MPHOSPH6: variants seen among roughly 807,000 people sequenced by gnomAD.
The protein encoded by MPHOSPH6 is M-phase phosphoprotein 6.
A neutral mutation model predicts 21.8 loss-of-function variants in MPHOSPH6; 25 were observed. That is an observed-to-expected ratio of 1.15 (90% CI 0.83 to 1.60). MPHOSPH6 has a LOEUF of 1.60. MPHOSPH6 is among the 40% of genes most tolerant of loss of function. The probability of loss-of-function intolerance (pLI) is 0.00; values close to 1 mark genes in which losing one functional copy is unlikely to be tolerated. For missense variants in MPHOSPH6, 269 were observed against 181.8 expected (o/e 1.48, Z -2.76); for synonymous variants, 84 against 56.5 (o/e 1.49, Z -2.18).
chr16:82,154,153 T>A (rs187777966), intron 2 of MPHOSPH6, among the ~76,000 whole-genome samples: 9 of 152,204 alleles, frequency 5.9e-5, no homozygotes, highest in Admixed American at 2.0e-4. Flanking sequence ...TGCAATTGCA[T>A]GTTGAAGAAA....
At chr16:82,151,337 C>G in intron 3 of MPHOSPH6, 87 bp downstream of exon 3, 1 of 1,538,678 alleles carries the variant, frequency 6.5e-7, no homozygotes, top group Non-Finnish European at 8.8e-7. Flanking sequence ...AGAAATGGTA[C>G]CTGGTGGAGA....
chr16:82,163,801 C>G, intron 2 of MPHOSPH6: 1 of 287,476 alleles, frequency 3.5e-6, no homozygotes, highest in East Asian at 7.9e-5. Context: ...AACATTACAG[C>G]TTCCCCAAAG....
At chr16:82,155,266 G>C (rs990593257) in intron 2 of MPHOSPH6, among the ~76,000 whole-genome samples, 1 of 152,156 alleles carries the variant, frequency 6.6e-6, no homozygotes, top group Non-Finnish European at 1.5e-5. Flanking sequence ...TCCCAACTGT[G>C]ATCAGAAACA....
chr16:82,163,343 G>C (rs1906664632), intron 2 of MPHOSPH6, among the ~76,000 whole-genome samples: 1 of 152,174 alleles, frequency 6.6e-6, no homozygotes, highest in African/African-American at 2.4e-5. Flanking sequence ...GCTTCCAGAA[G>C]GATTCAGCTA....
chr16:82,169,922 C>G (rs1275619211), intron 1 of MPHOSPH6, among the ~76,000 whole-genome samples: 1 of 152,188 alleles, frequency 6.6e-6, no homozygotes, highest in African/African-American at 2.4e-5. Context: ...GCCCGCGGGC[C>G]TCCTGAGAGA....
rs1906158058 is a variant in MPHOSPH6 at position 82,148,637 on chromosome 16, G to A, written c.*94C>T. 1 of 1,410,946 alleles carries A rather than the reference G, an allele frequency of 7.1e-7. No homozygotes were observed. The highest frequency in any genetic ancestry group is 9.6e-7 in the Non-Finnish European group (1 of 1,045,648). The allele number at this position is 1,410,946 out of a possible 1,614,324, so 87.4% of individuals were successfully genotyped here. ...AATCTCTTTACAAGTAAACGTTACA[G>A]TATTAATAACTATAGAGACACCATT... On this transcript the variant is annotated 3_prime_UTR_variant, in exon 5 of 5. Transcript: ENST00000258169.
chr16:82,166,167 C>T (rs919381016), intron 1 of MPHOSPH6, among the ~76,000 whole-genome samples: 7 of 152,176 alleles, frequency 4.6e-5, no homozygotes, highest in South Asian at 2.1e-4. Flanking sequence ...GCATGAAGGA[C>T]GCACGGGATA....
chr16:82,153,339 A>G (rs995669111), intron 2 of MPHOSPH6, among the ~76,000 whole-genome samples: 1 of 152,208 alleles, frequency 6.6e-6, no homozygotes, highest in African/African-American at 2.4e-5. Flanking sequence ...ATATAAAATG[A>G]CCATTTTCAG....
At chr16:82,156,857 G>A (rs1395687096) in intron 2 of MPHOSPH6, among the ~76,000 whole-genome samples, 1 of 152,122 alleles carries the variant, frequency 6.6e-6, no homozygotes, top group Non-Finnish European at 1.5e-5. Context: ...CCTGAGATCA[G>A]GAGTTCAAGA....
intron 3 of MPHOSPH6, 107 bp downstream of exon 3, chr16:82,151,317 T>C (rs1454599879): frequency 8.3e-6 from 12 of 1,442,592 alleles, no homozygotes; most frequent in South Asian, 1.2e-5. Flanking sequence ...TTATTTTCTA[T>C]ATAATGAGTA....
At chr16:82,151,306 G>C (rs774388061) in intron 3 of MPHOSPH6, 118 bp downstream of exon 3, 3 of 1,403,240 alleles carry the variant, frequency 2.1e-6, no homozygotes, top group Non-Finnish European at 2.9e-6. Flanking sequence ...TTCAAGACTT[G>C]TTATTTTCTA....
chr16:82,153,981 T>C (rs1906349827), intron 2 of MPHOSPH6, among the ~76,000 whole-genome samples: 1 of 152,122 alleles, frequency 6.6e-6, no homozygotes, highest in South Asian at 2.1e-4. Context: ...ACCCAGATAA[T>C]CCAGGATAAT....
At chr16:82,162,995 C>T (rs925836910) in intron 2 of MPHOSPH6, among the ~76,000 whole-genome samples, 1 of 152,124 alleles carries the variant, frequency 6.6e-6, no homozygotes, top group African/African-American at 2.4e-5. Flanking sequence ...TCCCTGTGAC[C>T]CTGCCCCTGG....
chr16:82,160,979 G>A (rs58373514), intron 2 of MPHOSPH6, among the ~76,000 whole-genome samples: 10,364 of 125,814 alleles, frequency 0.082, 656 homozygotes, highest in African/African-American at 0.19. Flanking sequence ...TCAGAAGAAG[G>A]GACAGAGAGA....
chr16:82,165,889 CA>C (rs1906762636), intron 1 of MPHOSPH6, among the ~76,000 whole-genome samples: 2 of 152,164 alleles, frequency 1.3e-5, no homozygotes, highest in Non-Finnish European at 2.9e-5. Flanking sequence ...TGTTAAGTAA[CA>C]CATGATGGTG....
At chr16:82,158,961 A>G (rs911467988) in intron 2 of MPHOSPH6, among the ~76,000 whole-genome samples, 12 of 152,246 alleles carry the variant, frequency 7.9e-5, no homozygotes, top group African/African-American at 2.4e-4. Flanking sequence ...TCTATTTGGA[A>G]TACAAGACAG....
chr16:82,151,914 T>A (rs1438665788), intron 2 of MPHOSPH6, among the ~76,000 whole-genome samples: 4 of 152,252 alleles, frequency 2.6e-5, no homozygotes, highest in African/African-American at 9.6e-5. Context: ...ACATACAGTA[T>A]ACAGTGACAC....
At chr16:82,157,796 C>T (rs146523112) in intron 2 of MPHOSPH6, among the ~76,000 whole-genome samples, 2 of 152,286 alleles carry the variant, frequency 1.3e-5, no homozygotes, top group East Asian at 3.9e-4. Flanking sequence ...AGGTGAAGAA[C>T]ACCTGAAGTC....
At chr16:82,149,811 T>C (rs1238772649) in intron 3 of MPHOSPH6, among the ~76,000 whole-genome samples, 2 of 152,098 alleles carry the variant, frequency 1.3e-5, no homozygotes, top group Admixed American at 6.5e-5. Context: ...TAATTTTAAA[T>C]GCATCTCTTG....
Sources: gnomAD v4.1 joint callset for allele counts (sites outside exome capture counted in the v4.1 genomes callset) on GRCh38, gnomAD v4.1.1 for gene constraint, MANE v1.5 for transcripts, NCBI Gene and HGNC (gene_info 2026-07-23, HGNC 2026-07-21) for gene names.